Variants in TAFA2 observed in about 807,000 individuals in gnomAD.
The protein encoded by TAFA2 is chemokine-like protein TAFA-2.
TAFA2 carries 7 observed loss-of-function variants against 18.8 expected under a neutral mutation model. That is an observed-to-expected ratio of 0.37 (90% confidence interval 0.21 to 0.70). The LOEUF (loss-of-function observed/expected upper bound fraction) is 0.70. TAFA2 is among the 30% of genes least tolerant of loss of function. TAFA2 has a pLI of 0.53. For missense variants in TAFA2, 122 were observed against 158.1 expected, an observed-to-expected ratio of 0.77 and a Z score of 1.23; for synonymous variants, 60 against 54.2, an observed-to-expected ratio of 1.11 and a Z score of -0.47.
At chr12:61,848,392 T>C (rs1481947408) in intron 2 of TAFA2, among the ~76,000 whole-genome samples, 2 of 152,190 alleles carry the variant, frequency 1.3e-5, no homozygotes, top group African/African-American at 4.8e-5. Context: ...CAAATAAAAA[T>C]TAATTAGGAA....
At chr12:62,016,859 G>A (rs1204093728) in intron 1 of TAFA2, among the ~76,000 whole-genome samples, 1 of 152,136 alleles carries the variant, frequency 6.6e-6, no homozygotes. Context: ...TTTGCCCTTC[G>A]AGAGCTCATA....
intron 1 of TAFA2, among the ~76,000 whole-genome samples, chr12:62,244,342 C>A (rs1293959982): frequency 6.6e-6 from 1 of 151,110 alleles, no homozygotes; most frequent in African/African-American, 2.4e-5. Context: ...CACACACATG[C>A]ATTTTTTTAA....
intron 1 of TAFA2, among the ~76,000 whole-genome samples, chr12:62,086,244 GTTTGGAT>G (rs1280920343): frequency 2.6e-5 from 4 of 151,696 alleles, no homozygotes; most frequent in Admixed American, 6.6e-5. Context: ...TAGCAAGATT[GTTTGGAT>G]ATGACATCAA....
chr12:61,940,773 T>C (rs851912), intron 1 of TAFA2, among the ~76,000 whole-genome samples: 105,999 of 152,018 alleles, frequency 0.7, 38,250 homozygotes, highest in East Asian at 0.91. Flanking sequence ...GTAAGTTGTG[T>C]AGAATGGAGG....
At chr12:62,254,623 C>CA (rs1242485501) in intron 1 of TAFA2, among the ~76,000 whole-genome samples, 1 of 152,036 alleles carries the variant, frequency 6.6e-6, no homozygotes, top group Non-Finnish European at 1.5e-5. Flanking sequence ...TGGCTAGAAA[C>CA]AAAAATCAAT....
chr12:62,206,133 G>A (rs963082537), intron 1 of TAFA2, among the ~76,000 whole-genome samples: 1 of 152,042 alleles, frequency 6.6e-6, no homozygotes, highest in African/African-American at 2.4e-5. Context: ...TTCTCAATGG[G>A]AGCCTCCAAC....
chr12:62,251,695 T>C (rs139854514), intron 1 of TAFA2, among the ~76,000 whole-genome samples: 5 of 152,306 alleles, frequency 3.3e-5, no homozygotes, highest in African/African-American at 9.6e-5. Flanking sequence ...TGAAGCTAGA[T>C]TGCTCCTCAC....
At chr12:61,734,420 C>T (rs933893429) in intron 4 of TAFA2, among the ~76,000 whole-genome samples, 9 of 149,820 alleles carry the variant, frequency 6.0e-5, no homozygotes, top group Admixed American at 1.3e-4. Flanking sequence ...TACTAAATGA[C>T]GAGTTAATGG....
At chr12:61,735,632 T>A (rs10877727) in intron 4 of TAFA2, among the ~76,000 whole-genome samples, 42,895 of 151,960 alleles carry the variant, frequency 0.28, 6,732 homozygotes, top group South Asian at 0.38. Context: ...GTTCTAGATT[T>A]ATTTTCCCTC....
intron 2 of TAFA2, among the ~76,000 whole-genome samples, chr12:61,762,691 TA>T (rs890190708): frequency 4.3e-4 from 65 of 151,376 alleles, no homozygotes; most frequent in Non-Finnish European, 8.6e-4. Context: ...GAGATGCCTA[TA>T]AAAAAATCAA....
chr12:61,935,758 A>T (rs552287155), intron 1 of TAFA2, among the ~76,000 whole-genome samples: 15 of 152,302 alleles, frequency 9.8e-5, no homozygotes, highest in African/African-American at 3.4e-4. Context: ...AAGGAAATAG[A>T]TAAATTTCTG....
intron 1 of TAFA2, among the ~76,000 whole-genome samples, chr12:62,122,281 A>G (rs1250422608): frequency 2.0e-5 from 3 of 152,214 alleles, no homozygotes; most frequent in South Asian, 2.1e-4. Flanking sequence ...TGAGATCAGC[A>G]TATGATCTGC....
At chr12:61,928,733 C>A (rs762959308) in intron 1 of TAFA2, among the ~76,000 whole-genome samples, 2 of 152,126 alleles carry the variant, frequency 1.3e-5, no homozygotes, top group African/African-American at 2.4e-5. Flanking sequence ...TATTACAGCA[C>A]TATTTACAAT....
At chr12:62,043,208 C>T (rs1244398424) in intron 1 of TAFA2, among the ~76,000 whole-genome samples, 1 of 152,012 alleles carries the variant, frequency 6.6e-6, no homozygotes, top group African/African-American at 2.4e-5. Flanking sequence ...GACTTGGAAC[C>T]AACCCAAATG....
At chr12:62,099,050 T>C (rs1442249144) in intron 1 of TAFA2, among the ~76,000 whole-genome samples, 1 of 152,166 alleles carries the variant, frequency 6.6e-6, no homozygotes, top group Non-Finnish European at 1.5e-5. Flanking sequence ...GTAGCTCACA[T>C]AAAATTATTT....
intron 1 of TAFA2, among the ~76,000 whole-genome samples, chr12:62,199,448 G>A (rs1565777567): frequency 6.6e-6 from 1 of 152,024 alleles, no homozygotes; most frequent in East Asian, 1.9e-4. Context: ...TTATAAATGA[G>A]AACATGCGGT....
chr12:62,134,572 C>T (rs1173687974), intron 1 of TAFA2, among the ~76,000 whole-genome samples: 1 of 151,924 alleles, frequency 6.6e-6, no homozygotes, highest in East Asian at 1.9e-4. Flanking sequence ...GTTTGTTAGC[C>T]CAAGCTGAGA....
chr12:61,947,615 C>G (rs545783799), intron 1 of TAFA2, among the ~76,000 whole-genome samples: 1 of 152,092 alleles, frequency 6.6e-6, no homozygotes, highest in South Asian at 2.1e-4. Context: ...GTTGAAAAGC[C>G]CACTCTAATT....
At chr12:62,086,174 C>A (rs1394528773) in intron 1 of TAFA2, among the ~76,000 whole-genome samples, 14 of 145,586 alleles carry the variant, frequency 9.6e-5, no homozygotes, top group African/African-American at 3.5e-4. Flanking sequence ...CTCAAAAAAA[C>A]AAAACAAAAC....
Sources: allele counts gnomAD v4.1 joint callset (sites outside exome capture counted in the v4.1 genomes callset), GRCh38; gene constraint gnomAD v4.1.1; transcripts MANE v1.5; gene names NCBI Gene and HGNC (gene_info 2026-07-23, HGNC 2026-07-21).